Variants in ARL3 observed in about 807,000 individuals in gnomAD.
The protein encoded by ARL3 is ADP-ribosylation factor-like protein 3.
Under a neutral mutation model 26.0 loss-of-function variants are expected in ARL3, and 9 were observed. The ratio of observed to expected loss-of-function variants is 0.35; its 90% confidence interval spans 0.21 to 0.60. The LOEUF is 0.60. Among genes scored for constraint, ARL3 ranks in the 20% least tolerant of loss-of-function variants. The pLI is 0.78. For synonymous variants in ARL3, 71 were observed against 78.4 expected, an observed-to-expected ratio of 0.91 and a Z score of 0.50; for missense variants, 158 against 215.7, an observed-to-expected ratio of 0.73 and a Z score of 1.67.
Position 102,699,368 on chromosome 10 carries a change from C to G in ARL3, c.264+5G>C. 1 of 1,545,800 alleles carries G rather than the reference C, an allele frequency of 6.5e-7. No homozygotes were observed. The highest frequency in any genetic ancestry group is 8.9e-7 in the Non-Finnish European group (1 of 1,118,352). ...ATGAATTAGTGCGTCAGAAGGAGTA[C>G]TTACAAGAATATCGGTATTTTCAAA... On this transcript the variant is annotated splice_donor_5th_base_variant and intron_variant, in intron 3 of 5. Transcript: ENST00000260746.
At chr10:102,711,334 GTGTA>G (rs57532892) in intron 1 of ARL3, among the ~76,000 whole-genome samples, 94,025 of 136,958 alleles carry the variant, frequency 0.69, 30,940 homozygotes, top group East Asian at 0.85. Context: ...GTGTGTGTGT[GTGTA>G]TATATATATA....
chr10:102,681,285 G>A (rs1356842087), intron 5 of ARL3, among the ~76,000 whole-genome samples: 4 of 151,880 alleles, frequency 2.6e-5, no homozygotes, highest in Admixed American at 6.6e-5. Context: ...CCAGCTACTC[G>A]GGAGGCTGAG....
At chr10:102,689,602 C>T (rs1208640015) in intron 4 of ARL3, among the ~76,000 whole-genome samples, 7 of 152,130 alleles carry the variant, frequency 4.6e-5, no homozygotes, top group South Asian at 2.1e-4. Flanking sequence ...GAGGCTGAGG[C>T]GGGAAGATCA....
chr10:102,697,668 G>A (rs1318513187), intron 3 of ARL3, among the ~76,000 whole-genome samples: 3 of 152,116 alleles, frequency 2.0e-5, no homozygotes, highest in Non-Finnish European at 1.5e-5. Flanking sequence ...CACCTAAGCA[G>A]TGACTCAGAG....
chr10:102,712,288 A>C (rs1484274677), intron 1 of ARL3, among the ~76,000 whole-genome samples: 1 of 152,222 alleles, frequency 6.6e-6, no homozygotes, highest in Non-Finnish European at 1.5e-5. Context: ...TCAGTTGTAC[A>C]GTTAACCATG....
At chr10:102,695,602 G>C (rs1240724706) in intron 3 of ARL3, among the ~76,000 whole-genome samples, 1 of 151,630 alleles carries the variant, frequency 6.6e-6, no homozygotes, top group African/African-American at 2.4e-5. Context: ...CCATGATCTT[G>C]GCTCACCGCA....
rs781212756 is a variant in ARL3, at chr10:102,689,882, G to T, written c.315+11C>A. The stretch of plus-strand genomic sequence containing the variant: ...TATATAAGAACTTTGATATAAAAAA[G>T]AATTATTTACCTGACCCGTCTCTTC... On this transcript the variant is annotated intron_variant, in intron 4 of 5. Coordinates refer to ENST00000260746, the MANE Select transcript of ARL3 (RefSeq NM_004311.4). The T allele has an allele frequency of 4.6e-5, 71 of 1,551,990 alleles. No homozygotes were observed. Among genetic ancestry groups the T allele is most frequent in the Non-Finnish European group, 6.2e-5 (70 of 1,136,760 alleles).
At chr10:102,694,422 T>C (rs1343787500) in intron 3 of ARL3, among the ~76,000 whole-genome samples, 3 of 152,242 alleles carry the variant, frequency 2.0e-5, no homozygotes, top group South Asian at 2.1e-4. Flanking sequence ...AGGAGTTTTA[T>C]AGTGTTTGGG....
intron 1 of ARL3, among the ~76,000 whole-genome samples, chr10:102,708,908 A>ATATATATATATATATATTTTTTTTTT: frequency 2.1e-5 from 2 of 95,324 alleles, no homozygotes; most frequent in African/African-American, 8.4e-5. Flanking sequence ...ATATATATAT[A>ATATATATATATATATATTTTTTTTTT]TTTTTTTTTT....
At chr10:102,692,595 T>C (rs2064224449) in intron 3 of ARL3, among the ~76,000 whole-genome samples, 1 of 152,076 alleles carries the variant, frequency 6.6e-6, no homozygotes, top group African/African-American at 2.4e-5. Context: ...TTTATATTTT[T>C]AGCAGAGATG....
intron 1 of ARL3, 40 bp downstream of exon 1, chr10:102,714,233 A>T (rs2064367797): frequency 2.3e-6 from 3 of 1,313,150 alleles, no homozygotes; most frequent in Admixed American, 6.1e-5. Flanking sequence ...GGAGGGGGAT[A>T]ACCGGCCGGC....
chr10:102,688,333 A>G (rs1319025937), intron 4 of ARL3, among the ~76,000 whole-genome samples: 1 of 152,092 alleles, frequency 6.6e-6, no homozygotes, highest in South Asian at 2.1e-4. Context: ...TAATCCAGAA[A>G]TCATCAGGGT....
At chr10:102,708,926 A>C (rs1243520140) in intron 1 of ARL3, among the ~76,000 whole-genome samples, 1 of 96,004 alleles carries the variant, frequency 1.0e-5, no homozygotes. Context: ...TTTTTTTGAG[A>C]CAAGGTCTCA....
At chr10:102,713,077 G>GTT (rs530168452) in intron 1 of ARL3, among the ~76,000 whole-genome samples, 5 of 22,364 alleles carry the variant, frequency 2.2e-4, no homozygotes, top group Non-Finnish European at 5.4e-4. Context: ...TGGGCATCTA[G>GTT]TTTTTTTGTT....
At chr10:102,701,288 A>T (rs2064278364) in intron 2 of ARL3, among the ~76,000 whole-genome samples, 1 of 152,248 alleles carries the variant, frequency 6.6e-6, no homozygotes, top group African/African-American at 2.4e-5. Context: ...CATTTCATCC[A>T]GAATAACTGG....
intron 1 of ARL3, among the ~76,000 whole-genome samples, chr10:102,709,982 C>T (rs143488440): frequency 1.6e-4 from 24 of 150,804 alleles, no homozygotes; most frequent in African/African-American, 5.1e-4. Context: ...TGCAGTGAGC[C>T]GAGATCACAC....
intron 3 of ARL3, among the ~76,000 whole-genome samples, chr10:102,694,470 T>C (rs1042570729): frequency 6.6e-6 from 1 of 152,206 alleles, no homozygotes; most frequent in African/African-American, 2.4e-5. Flanking sequence ...TGTCAAGGGC[T>C]CTAGGTCGAA....
chr10:102,696,673 G>C (rs2064250236), intron 3 of ARL3, among the ~76,000 whole-genome samples: 1 of 152,246 alleles, frequency 6.6e-6, no homozygotes, highest in South Asian at 2.1e-4. Flanking sequence ...CAAAGAATCT[G>C]CTGATAGATC....
At chr10:102,686,068 C>T in intron 4 of ARL3, 67 bp from the exon 5 acceptor site, 3 of 1,156,918 alleles carry the variant, frequency 2.6e-6, no homozygotes, top group South Asian at 1.6e-5. Context: ...TAACCATACA[C>T]TACTTTTTTT....
Sources: allele counts gnomAD v4.1 joint callset (sites outside exome capture counted in the v4.1 genomes callset), GRCh38; gene constraint gnomAD v4.1.1; transcripts MANE v1.5; gene names NCBI Gene and HGNC (gene_info 2026-07-23, HGNC 2026-07-21).